MYPN: variants seen among roughly 807,000 people sequenced by gnomAD.
MYPN encodes the protein myopalladin.
In MYPN, 63 loss-of-function variants were observed where a neutral mutation model predicts 129.4. The ratio of observed to expected loss-of-function variants is 0.49; its 90% CI spans 0.40 to 0.60. MYPN has a LOEUF of 0.60. MYPN is among the 20% of genes least tolerant of loss of function. The pLI is 0.00. For missense variants in MYPN, 1,596 were observed against 1,635.4 expected, an observed-to-expected ratio of 0.98 and a Z score of 0.42; for synonymous variants, 629 against 600.9, an observed-to-expected ratio of 1.05 and a Z score of -0.68.
intron 16 of MYPN, among the ~76,000 whole-genome samples, chr10:68,198,389 A>T (rs1303047627): frequency 1.3e-5 from 2 of 152,158 alleles, no homozygotes; most frequent in African/African-American, 4.8e-5. Context: ...ACCGGGCTCT[A>T]GTTGAGCAGC....
At chr10:68,206,628 C>T in intron 18 of MYPN, 142 bp from the exon 19 acceptor site, 3 of 1,124,368 alleles carry the variant, frequency 2.7e-6, no homozygotes, top group Non-Finnish European at 1.3e-6. Flanking sequence ...CTCACTGCTG[C>T]TCTTCTTTGA....
chr10:68,121,323 G>A, intron 1 of MYPN, 115 bp from the exon 2 acceptor site: 1 of 869,834 alleles, frequency 1.1e-6, no homozygotes, highest in Admixed American at 2.8e-5. Context: ...ATTAAAATTA[G>A]GCAATTCTTT....
At chr10:68,095,810 G>A (rs953846854) in intron 1 of MYPN, among the ~76,000 whole-genome samples, 9 of 152,132 alleles carry the variant, frequency 5.9e-5, no homozygotes, top group Non-Finnish European at 1.0e-4. Flanking sequence ...TTAATTTTGC[G>A]AGATGAAAAA....
At chr10:68,159,776 C>T (rs1365214964) in intron 7 of MYPN, among the ~76,000 whole-genome samples, 4 of 152,162 alleles carry the variant, frequency 2.6e-5, no homozygotes, top group Non-Finnish European at 4.4e-5. Context: ...AATTGTTTTA[C>T]TTCCTTTTGC....
Position 68,121,465 on chromosome 10 carries a change from T to C in MYPN, c.27T>C (p.Ser9=), listed in dbSNP as rs1212177605. 5.6e-6 allele frequency: 9 copies of C among 1,613,058 alleles called. No individual in the cohort carries two copies. In the Admixed American group the frequency reaches 1.5e-4, roughly 27 times the overall value. Residue 9 remains serine, a synonymous_variant, in exon 2 of 20, where the codon TCT becomes TCC. Coordinates refer to ENST00000358913, the MANE Select transcript of MYPN (RefSeq NM_032578.4). MQDDSIEA[S]TSISQLLRES... ...TGCAAGACGACAGCATAGAAGCTTC[T>C]ACTTCCATATCTCAGCTTCTAAGAG...
At position 68,174,215 on chromosome 10, in the gene MYPN, A is replaced by G. The variant is rs2043188777; in HGVS notation, c.2123A>G (p.Lys708Arg). 3 of 1,614,040 alleles carry G rather than the reference A, an allele frequency of 1.9e-6. No individual in the cohort carries two copies. In the East Asian group the frequency reaches 6.7e-5, roughly 36 times the overall value. ...NAPPAVTTSS[K>R]QVKAPSSQTF... The stretch of plus-strand genomic sequence containing the variant: ...CCCCCAGCGGTGACAACATCCAGTA[A>G]GCAGGTGAAGGCTCCTTCATCACAG... Residue 708 changes from lysine to arginine, a missense_variant, in exon 11 of 20, where the codon AAG (lysine) becomes AGG (arginine). By Grantham distance (26) the Lys-to-Arg change is conservative. Coordinates refer to ENST00000358913, the MANE Select transcript of MYPN (RefSeq NM_032578.4).
chr10:68,206,756 C>G lies in MYPN; in HGVS notation c.3660-14C>G. On this transcript the variant is annotated splice_polypyrimidine_tract_variant and intron_variant, in intron 18 of 19. Coordinates refer to ENST00000358913, the MANE Select transcript of MYPN (RefSeq NM_032578.4). Reference sequence around the variant, plus strand: ...CCCCGATAAAATATAGGTATATTCTCTCTTTTTCTCCAGTATGCACCAGGA... The same window carrying G: ...CCCCGATAAAATATAGGTATATTCTGTCTTTTTCTCCAGTATGCACCAGGA... 6.2e-7 allele frequency: 1 copy of G among 1,614,122 alleles called. No homozygotes were observed. The highest frequency in any genetic ancestry group is 8.5e-7 in the Non-Finnish European group (1 of 1,180,002).
upstream of MYPN, among the ~76,000 whole-genome samples, chr10:68,101,500 T>C (rs2041981841): frequency 6.6e-6 from 1 of 152,238 alleles, no homozygotes; most frequent in Non-Finnish European, 1.5e-5. Context: ...TTTGGCCTGA[T>C]GGTATTTTTT....
In MYPN at chr10:68,163,487, G is replaced by A. The variant is rs181950898; in HGVS notation, c.1483+1735G>A. ...TAAAAAAAATACAAAAAATTAGCCC[G>A]GCGTGGTGGCGGATGCCTGTAATCC... On this transcript the variant is annotated intron_variant, in intron 8 of 19. Transcript: ENST00000358913. Among the ~76,000 whole-genome samples the A allele has an allele frequency of 7.0e-4, 107 of 152,076 alleles. 1 individual carries two copies. The East Asian group carries it at 0.016, about 23-fold the overall frequency.
In MYPN at chr10:68,165,707, A is replaced by C. The variant is rs2043042298; in HGVS notation, c.1489A>C (p.Ile497Leu). Residue 497 changes from isoleucine (I) to leucine (L), a missense_variant, in exon 9 of 20, where the codon ATT (isoleucine) becomes CTT (leucine). By Grantham distance (5) the Ile-to-Leu change is conservative. Coordinates refer to ENST00000358913, the MANE Select transcript of MYPN (RefSeq NM_032578.4). ...KPRSMAEPEE[I>L]CTLVIAEVFA... ...TCTGTTTCACTGGCATATAGAGGAG[A>C]TTTGCACCTTGGTCATTGCTGAGGT... 1.9e-6 allele frequency: 3 copies of C among 1,613,722 alleles called. No homozygotes were observed. The South Asian group carries it at 3.3e-5, about 18-fold the overall frequency.
Position 68,210,907 on chromosome 10 carries a change from G to A in MYPN, c.*452G>A, listed in dbSNP as rs1304850751. 1 of 455,014 alleles carries A rather than the reference G, an allele frequency of 2.2e-6. No individual in the cohort carries two copies. The highest frequency in any genetic ancestry group is 6.9e-4 in the Middle Eastern group (1 of 1,444). 28.2% of individuals were successfully genotyped at this position (455,014 alleles called of 1,614,324 possible). A position where few individuals can be genotyped will look rare whatever the true frequency, so the allele number is the denominator to read the frequency against. ...GGACAGGTCACCATCACCTTTCATC[G>A]ATTACATGTATAGCAGTAGTTTTGG... is the stretch of plus-strand genomic sequence containing the variant. On this transcript the variant is annotated 3_prime_UTR_variant, in exon 20 of 20. Coordinates refer to ENST00000358913, the MANE Select transcript of MYPN (RefSeq NM_032578.4).
chr10:68,150,156 A>G (rs746572301), intron 6 of MYPN, 45 bp downstream of exon 6: 2 of 1,464,862 alleles, frequency 1.4e-6, no homozygotes, highest in Non-Finnish European at 1.9e-6. Context: ...TAAAGATACC[A>G]CAGCACCCAA....
chr10:68,124,558 G>A (rs943649538), intron 2 of MYPN, among the ~76,000 whole-genome samples: 6 of 152,106 alleles, frequency 3.9e-5, no homozygotes, highest in Non-Finnish European at 7.3e-5. Flanking sequence ...TTTCAAAGGC[G>A]ACATAAGGCA....
intron 1 of MYPN, among the ~76,000 whole-genome samples, chr10:68,095,837 G>T (rs1228118849): frequency 6.6e-6 from 1 of 152,110 alleles, no homozygotes; most frequent in Non-Finnish European, 1.5e-5. Flanking sequence ...GGAGGTGGGT[G>T]GTGACAATGG....
At chr10:68,183,641 G>A (rs951349229) in intron 12 of MYPN, among the ~76,000 whole-genome samples, 1 of 152,170 alleles carries the variant, frequency 6.6e-6, no homozygotes, top group African/African-American at 2.4e-5. Context: ...TTAGAATAGG[G>A]GCTAGAGGTG....
At chr10:68,158,000 G>A (rs542277416) in intron 6 of MYPN, 2 of 156,906 alleles carry the variant, frequency 1.3e-5, no homozygotes, top group African/African-American at 4.8e-5. Context: ...CTTAGCATTG[G>A]TAGAGAGAGA....
rs2043210793 is a variant in MYPN at position 68,175,334 on chromosome 10, G to A, written c.2576G>A (p.Gly859Glu). The change falls in exon 12 of 20, where the codon GGA becomes GAA. Residue 859 changes from glycine (G) to glutamate (E), a missense_variant. Physicochemically the swap from Gly to Glu is moderately conservative, Grantham distance 98. Coordinates refer to ENST00000358913, the MANE Select transcript of MYPN (RefSeq NM_032578.4). ...PRSAPSMPSQ[G>E]LAKKNTKSPQ... is the part of the protein sequence containing the mutation. ...GATTTATCTTACAGGCCATCCCAGG[G>A]ATTAGCGAAGAAAAATACAAAGTCT... The A allele has an allele frequency of 6.2e-7, 1 of 1,613,942 alleles. No homozygotes were observed. The highest frequency in any genetic ancestry group is 8.5e-7 in the Non-Finnish European group (1 of 1,179,956).
intron 3 of MYPN, among the ~76,000 whole-genome samples, chr10:68,143,742 TTTTTGTTTTG>T (rs533390464): frequency 2.1e-4 from 32 of 152,050 alleles, no homozygotes; most frequent in Non-Finnish European, 3.1e-4. Flanking sequence ...GTTTTTTTGT[TTTTTGTTTTG>T]TTTTGTTTTG....
chr10:68,124,872 C>G (rs1450915445), intron 2 of MYPN, among the ~76,000 whole-genome samples: 1 of 152,144 alleles, frequency 6.6e-6, no homozygotes, highest in Non-Finnish European at 1.5e-5. Flanking sequence ...TGATGATACT[C>G]CCTGGGACTC....
Sources: gnomAD v4.1 joint callset for allele counts (sites outside exome capture counted in the v4.1 genomes callset) on GRCh38, gnomAD v4.1.1 for gene constraint, MANE v1.5 for transcripts, NCBI Gene and HGNC (gene_info 2026-07-23, HGNC 2026-07-21) for gene names.